ZNF44: variants seen among roughly 807,000 people sequenced by gnomAD.
ZNF44 encodes the protein gonadotropin inducible transcription repressor-2.
ZNF44 carries 9 observed loss-of-function variants against 11.7 expected under a neutral mutation model. That is an observed-to-expected ratio of 0.77 (90% CI 0.46 to 1.35). ZNF44 has a LOEUF of 1.35. ZNF44 is among the 40% of genes most tolerant of loss of function. ZNF44 has a pLI of 0.00. For synonymous variants in ZNF44, 224 were observed against 242.7 expected (o/e 0.92, Z 0.72); for missense variants, 696 against 743.1 (o/e 0.94, Z 0.74).
At chr19:12,238,740 G>C (rs934638052), upstream of ZNF44, among the ~76,000 whole-genome samples, 2 of 152,154 alleles carry the variant, frequency 1.3e-5, no homozygotes, top group African/African-American at 4.8e-5. Flanking sequence ...AGGTTGCAGT[G>C]AGCCGAGATC....
chr19:12,276,134 G>A, intron 1 of ZNF44, 52 bp from the exon 2 acceptor site: 13 of 1,574,440 alleles, frequency 8.3e-6, no homozygotes, highest in South Asian at 1.1e-5. Flanking sequence ...ACAGTACTGA[G>A]AACCTATACT....
chr19:12,241,979 G>A (rs1011477105), upstream of ZNF44, among the ~76,000 whole-genome samples: 7 of 152,100 alleles, frequency 4.6e-5, no homozygotes, highest in Non-Finnish European at 8.8e-5. Flanking sequence ...CTTACATGAC[G>A]CACCTAGAAT....
At chr19:12,257,757 C>T (rs974476291) in intron 5 of ZNF44, among the ~76,000 whole-genome samples, 5 of 148,124 alleles carry the variant, frequency 3.4e-5, no homozygotes, top group East Asian at 4.0e-4. Flanking sequence ...GCCGAGATCG[C>T]GCCACTGCAC....
upstream of ZNF44, among the ~76,000 whole-genome samples, chr19:12,239,134 A>AG (rs1182030684): frequency 2.0e-5 from 3 of 152,124 alleles, no homozygotes; most frequent in Admixed American, 6.6e-5. Context: ...ATTTTTTTAG[A>AG]GGGAGTCTAG....
rs140940065 is a variant in ZNF44 at position 12,255,091 on chromosome 19, A to AACACACAC, written c.1913-4731_1913-4724dup. 1.8e-3 allele frequency among the ~76,000 whole-genome samples: 256 copies of AACACACAC among 145,734 alleles called. 1 individual carries two copies. Among genetic ancestry groups the AACACACAC allele is most frequent in the African/African-American group, 6.0e-3 (234 of 38,980 alleles). ...GTGACAGAGTGAGACTCCGTCTCAA[A>AACACACAC]ACACACACACACACACACACACACA... On this transcript the variant is annotated intron_variant and NMD_transcript_variant, in intron 5 of 7. Transcript: ENST00000393337.
chr19:12,284,732 C>T (rs1967653481), intron 1 of ZNF44: 1 of 753,156 alleles, frequency 1.3e-6, no homozygotes, highest in Non-Finnish European at 2.3e-6. Context: ...GAGTTAAGTG[C>T]TCCAAGGAGG....
chr19:12,250,671 TTG>T, intron 5 of ZNF44: 1 of 422,464 alleles, frequency 2.4e-6, no homozygotes, highest in South Asian at 1.7e-5. Flanking sequence ...CATCAATTCT[TTG>T]TGAGAAAAAC....
At chr19:12,247,051 AAATAT>A (rs145520301), downstream of ZNF44, among the ~76,000 whole-genome samples, 4 of 151,480 alleles carry the variant, frequency 2.6e-5, no homozygotes, top group Non-Finnish European at 5.9e-5. Context: ...TTTAAAATAA[AAATAT>A]ATTAAAAACT....
chr19:12,254,319 C>T (rs992536837), intron 5 of ZNF44, among the ~76,000 whole-genome samples: 2 of 152,172 alleles, frequency 1.3e-5, no homozygotes, highest in African/African-American at 2.4e-5. Context: ...CACCTCTAAA[C>T]GACCCACGGA....
chr19:12,286,014 A>G (rs1437586541), intron 1 of ZNF44, among the ~76,000 whole-genome samples: 1 of 151,868 alleles, frequency 6.6e-6, no homozygotes, highest in Non-Finnish European at 1.5e-5. Context: ...GCGAGACTCC[A>G]TCTCAAAAAA....
At chr19:12,230,088 G>A (rs1198378957) in intron 3 of ZNF44, among the ~76,000 whole-genome samples, 1 of 152,136 alleles carries the variant, frequency 6.6e-6, no homozygotes, top group Non-Finnish European at 1.5e-5. Context: ...TGCCATTTTT[G>A]GGCCATCAGC....
intron 5 of ZNF44, among the ~76,000 whole-genome samples, chr19:12,253,272 C>A (rs1252870752): frequency 1.3e-5 from 2 of 150,630 alleles, no homozygotes; most frequent in Non-Finnish European, 2.9e-5. Context: ...TCACTGCAAC[C>A]TTCGACTCTT....
upstream of ZNF44, among the ~76,000 whole-genome samples, chr19:12,241,637 G>A (rs188201360): frequency 3.9e-5 from 6 of 152,332 alleles, no homozygotes; most frequent in East Asian, 9.6e-4. Flanking sequence ...GGAGGTTTCA[G>A]TGAGCCAAGA....
chr19:12,292,083 C>T (rs1282015829), intron 1 of ZNF44, among the ~76,000 whole-genome samples: 2 of 151,754 alleles, frequency 1.3e-5, no homozygotes, highest in African/African-American at 4.8e-5. Flanking sequence ...AATCCCAGCA[C>T]TTTGGGAGGC....
exon 8 of ZNF44, chr19:12,247,881 TTCCTC>T (rs777928125): frequency 7.6e-7 from 1 of 1,319,802 alleles, no homozygotes; most frequent in Non-Finnish European, 1.0e-6. Flanking sequence ...TGCAGTGTGA[TTCCTC>T]TCATGTTTTT....
chr19:12,261,884 G>GA (rs35737370), intron 5 of ZNF44, among the ~76,000 whole-genome samples: 2 of 151,682 alleles, frequency 1.3e-5, no homozygotes, highest in African/African-American at 2.4e-5. Flanking sequence ...TTAAATGATT[G>GA]AAAAAAATTA....
chr19:12,250,244 A>G (rs768895897), exon 6 of ZNF44: 1 of 1,360,492 alleles, frequency 7.4e-7, no homozygotes, highest in Non-Finnish European at 9.8e-7. Flanking sequence ...ATTTTTACCT[A>G]TAGTGGCCAG....
chr19:12,237,241 G>C (rs1465515078), intron 1 of ZNF44: 1 of 152,348 alleles, frequency 6.6e-6, no homozygotes, highest in Non-Finnish European at 1.5e-5. Context: ...GAGGGCTCCG[G>C]ACTGAGGCTG....
At chr19:12,248,894 CTCTTTT>C (rs1415258387) in intron 7 of ZNF44, among the ~76,000 whole-genome samples, 2 of 142,734 alleles carry the variant, frequency 1.4e-5, no homozygotes, top group Non-Finnish European at 3.0e-5. Context: ...ATATGGGTTT[CTCTTTT>C]TTTTTTTTTT....
Sources: allele counts gnomAD v4.1 joint callset (sites outside exome capture counted in the v4.1 genomes callset), GRCh38; gene constraint gnomAD v4.1.1; transcripts MANE v1.5; gene names NCBI Gene and HGNC (gene_info 2026-07-23, HGNC 2026-07-21).